Variants in BCAS3 observed in about 807,000 individuals in gnomAD.
BCAS3 encodes BCAS3 microtubule associated cell migration factor, also known as BCAS4/BCAS3 fusion.
Under a neutral mutation model 116.1 loss-of-function variants are expected in BCAS3, and 53 were observed. The observed-to-expected ratio is 0.46, with a 90% CI of 0.37 to 0.57. BCAS3 has a LOEUF of 0.57. BCAS3 is among the 20% of genes least tolerant of loss of function. BCAS3 has a pLI of 0.00. For synonymous variants in BCAS3, 391 were observed against 408.2 expected (o/e 0.96, Z 0.51); for missense variants, 917 against 1,165.4 (o/e 0.79, Z 3.10).
At position 61,028,831 on chromosome 17, in the gene BCAS3, G is replaced by A. The variant is rs953677465; in HGVS notation, c.1638-5835G>A. 2.0e-5 allele frequency among the ~76,000 whole-genome samples: 3 copies of A among 151,834 alleles called. No homozygotes were observed. The highest frequency in any genetic ancestry group is 6.6e-5 in the Admixed American group (1 of 15,224). ...GCCATCGTTAGCTCACAAGAAACTCGTTTTTAGTCACTTATACTAGACTAA... is the reference window on the plus strand; with the variant it reads ...GCCATCGTTAGCTCACAAGAAACTCATTTTTAGTCACTTATACTAGACTAA... On this transcript the variant is annotated intron_variant, in intron 16 of 23. Coordinates refer to ENST00000407086, the MANE Select transcript of BCAS3 (RefSeq NM_017679.5). The surrounding 1 kb of genome is among the most constrained non-coding windows in gnomAD (Gnocchi z 4.3).
At chr17:61,158,217 A>C (rs868229324) in intron 22 of BCAS3, among the ~76,000 whole-genome samples, 1 of 152,208 alleles carries the variant, frequency 6.6e-6, no homozygotes, top group East Asian at 1.9e-4. Flanking sequence ...TTGTCTTGCA[A>C]ACATCTGGGA....
At chr17:61,066,698 C>T (rs554146460) in intron 19 of BCAS3, among the ~76,000 whole-genome samples, 3 of 151,962 alleles carry the variant, frequency 2.0e-5, no homozygotes, top group South Asian at 4.1e-4. Context: ...TTTTTGATAT[C>T]TAGCTGTTTC....
intron 19 of BCAS3, among the ~76,000 whole-genome samples, chr17:61,062,237 A>G (rs2070133639): frequency 1.3e-5 from 2 of 152,194 alleles, no homozygotes; most frequent in Admixed American, 1.3e-4. Flanking sequence ...AAAAATATCC[A>G]GTGGAAAATA....
chr17:61,050,045 T>TG (rs2068718284), intron 19 of BCAS3, among the ~76,000 whole-genome samples: 3 of 151,968 alleles, frequency 2.0e-5, no homozygotes, highest in Non-Finnish European at 4.4e-5. Context: ...CAGATATCTT[T>TG]GAAGTATGGA....
In BCAS3 at chr17:61,339,641, C is replaced by T. The variant is rs955878907; in HGVS notation, c.2426-28686C>T. Among the ~76,000 whole-genome samples, 1 of 152,030 alleles carries T rather than the reference C, an allele frequency of 6.6e-6. No individual in the cohort carries two copies. Among genetic ancestry groups the T allele is most frequent in the Non-Finnish European group, 1.5e-5 (1 of 68,018 alleles). Reference sequence around the variant, plus strand: ...ATTAGCCGGGCGTGGTGGTGCCCATCTGTAATCCCAGCTACTCGGGAGGCT... The same window carrying T: ...ATTAGCCGGGCGTGGTGGTGCCCATTTGTAATCCCAGCTACTCGGGAGGCT... On this transcript the variant is annotated intron_variant, in intron 22 of 23. Transcript: ENST00000407086. The surrounding 1 kb of genome is among the most constrained non-coding windows in gnomAD (Gnocchi z 4.4).
chr17:61,148,486 G>A (rs934512151), intron 22 of BCAS3, among the ~76,000 whole-genome samples: 4 of 152,278 alleles, frequency 2.6e-5, no homozygotes, highest in East Asian at 1.9e-4. Flanking sequence ...TGCTGCTGCC[G>A]TTTCATTCCA....
intron 13 of BCAS3, among the ~76,000 whole-genome samples, chr17:60,940,925 T>C (rs2060189492): frequency 1.3e-5 from 2 of 152,236 alleles, no homozygotes; most frequent in South Asian, 4.1e-4. Context: ...TTATAGCATA[T>C]GCCTGGTGAA....
At position 61,021,520 on chromosome 17, in the gene BCAS3, C is replaced by T. The variant is rs2065874001; in HGVS notation, c.1637+5619C>T. ...GTTCTGCACCTATTTGCCAGTGTGTCCTAGGTAAATTTCTTCACCTGAAAA... is the reference window on the plus strand; with the variant it reads ...GTTCTGCACCTATTTGCCAGTGTGTTCTAGGTAAATTTCTTCACCTGAAAA... On this transcript the variant is annotated intron_variant, in intron 16 of 23. Coordinates refer to ENST00000407086, the MANE Select transcript of BCAS3 (RefSeq NM_017679.5). This position sits in a 1 kb window ranked among gnomAD's most constrained non-coding sequence, Gnocchi z 4.6. 6.6e-6 allele frequency among the ~76,000 whole-genome samples: 1 copy of T among 151,850 alleles called. No individual in the cohort carries two copies.
chr17:60,867,531 A>C (rs2054717473), intron 7 of BCAS3, among the ~76,000 whole-genome samples: 1 of 152,226 alleles, frequency 6.6e-6, no homozygotes, highest in Non-Finnish European at 1.5e-5. Flanking sequence ...TTTTTAAAAA[A>C]ATTTTACTAA....
At chr17:61,183,415 A>G (rs945581147) in intron 22 of BCAS3, among the ~76,000 whole-genome samples, 6 of 152,042 alleles carry the variant, frequency 3.9e-5, no homozygotes, top group Middle Eastern at 3.4e-3. Context: ...ATTATATTCA[A>G]TGTAATATAT....
rs1263507090 is a variant in BCAS3, at chr17:61,361,526, T to C, written c.2426-6801T>C. 1 of 152,136 alleles carries C rather than the reference T, an allele frequency of 6.6e-6. No individual in the cohort carries two copies. The highest frequency in any genetic ancestry group is 1.5e-5 in the Non-Finnish European group (1 of 68,024). The allele number at this position is 152,136 out of a possible 1,614,324, so 9.4% of individuals were successfully genotyped here. A position where few individuals can be genotyped will look rare whatever the true frequency, so the allele number is the denominator to read the frequency against. On this transcript the variant is annotated intron_variant, in intron 22 of 23. Coordinates refer to ENST00000407086, the MANE Select transcript of BCAS3 (RefSeq NM_017679.5). This position sits in a 1 kb window ranked among gnomAD's most constrained non-coding sequence, Gnocchi z 6.5. ...TGTGGGAGAACGCTGGCTCATATAA[T>C]TGGCCATCAGATGTGTCCACAGGTA...
In BCAS3 at chr17:61,007,427, A is replaced by G. The variant is rs1370530643; in HGVS notation, c.1487-8324A>G. ...AATTTATTGGGTTTATTTTAGCTTT[A>G]AGAAAAGAAAAATACTTAAATTTGT... On this transcript the variant is annotated intron_variant, in intron 15 of 23. Coordinates refer to ENST00000407086, the MANE Select transcript of BCAS3 (RefSeq NM_017679.5). This position sits in a 1 kb window ranked among gnomAD's most constrained non-coding sequence, Gnocchi z 4.3. Among the ~76,000 whole-genome samples the G allele has an allele frequency of 6.6e-6, 1 of 152,044 alleles. No homozygotes were observed. Among genetic ancestry groups the G allele is most frequent in the Non-Finnish European group, 1.5e-5 (1 of 67,964 alleles).
chr17:61,368,947 G>A lies in BCAS3; in HGVS notation c.2593+453G>A, dbSNP rs914229059. On this transcript the variant is annotated intron_variant, in intron 23 of 23. Transcript: ENST00000407086. The surrounding 1 kb of genome is among the most constrained non-coding windows in gnomAD (Gnocchi z 6.0). ...TCAGCCCCTACCAGCTTTTCCTCAT[G>A]CTGCCTTTGGCCTTGCATTCTTGCC... 6.6e-6 allele frequency among the ~76,000 whole-genome samples: 1 copy of A among 152,142 alleles called. No individual in the cohort carries two copies. Among genetic ancestry groups the A allele is most frequent in the Non-Finnish European group, 1.5e-5 (1 of 68,018 alleles).
At chr17:61,062,768 A>G (rs554042538) in intron 19 of BCAS3, among the ~76,000 whole-genome samples, 89 of 152,244 alleles carry the variant, frequency 5.8e-4, no homozygotes, top group Non-Finnish European at 5.4e-4. Flanking sequence ...GGTCCTGGGA[A>G]TTTAATTATG....
chr17:61,366,373 A>T lies in BCAS3; in HGVS notation c.2426-1954A>T, dbSNP rs1037749366. 2.6e-5 allele frequency among the ~76,000 whole-genome samples: 4 copies of T among 152,182 alleles called. No individual in the cohort carries two copies. The highest frequency in any genetic ancestry group is 7.2e-5 in the African/African-American group (3 of 41,442). On this transcript the variant is annotated intron_variant, in intron 22 of 23. Coordinates refer to ENST00000407086, the MANE Select transcript of BCAS3 (RefSeq NM_017679.5). The surrounding 1 kb of genome is among the most constrained non-coding windows in gnomAD (Gnocchi z 4.5). ...AAGGGTTATTCATTCTAGTTTAGAG[A>T]TGGAAAAGGAGCTAGAAGGACTGGC...
At chr17:60,798,267 G>A (rs959142518) in intron 6 of BCAS3, among the ~76,000 whole-genome samples, 4 of 152,174 alleles carry the variant, frequency 2.6e-5, no homozygotes, top group Non-Finnish European at 4.4e-5. Flanking sequence ...AATGTATAGT[G>A]AAACAATAAT....
chr17:61,334,426 G>C (rs923636572), intron 22 of BCAS3, among the ~76,000 whole-genome samples: 2 of 152,140 alleles, frequency 1.3e-5, no homozygotes, highest in Non-Finnish European at 2.9e-5. Flanking sequence ...CAGCACTTTG[G>C]GGGGCCAAGA....
At chr17:61,116,297 C>T (rs564831279) in intron 22 of BCAS3, among the ~76,000 whole-genome samples, 107 of 151,474 alleles carry the variant, frequency 7.1e-4, no homozygotes, top group African/African-American at 2.6e-3. Flanking sequence ...AATTATGATC[C>T]TTTATGTATC....
At chr17:61,093,096 T>C (rs992922967) in intron 22 of BCAS3, among the ~76,000 whole-genome samples, 1 of 151,762 alleles carries the variant, frequency 6.6e-6, no homozygotes. Context: ...TTAGTAGAGA[T>C]GAGGTTTCAT....
Sources: allele counts gnomAD v4.1 joint callset (sites outside exome capture counted in the v4.1 genomes callset), GRCh38; gene constraint gnomAD v4.1.1; non-coding constraint Gnocchi (gnomAD v3.1); transcripts MANE v1.5; gene names NCBI Gene and HGNC (gene_info 2026-07-23, HGNC 2026-07-21).